Variants in CDH13 observed in about 807,000 individuals in gnomAD.
CDH13 encodes the protein cadherin-13.
In CDH13, 24 loss-of-function variants were observed where a neutral mutation model predicts 63.8. That is an observed-to-expected ratio of 0.38 (90% CI 0.27 to 0.53). The LOEUF (loss-of-function observed/expected upper bound fraction) is 0.53, where lower values mean the gene tolerates loss of function less well. CDH13 is among the 20% of genes least tolerant of loss of function. The pLI, the probability that CDH13 is intolerant of heterozygous loss-of-function variation, is 0.85. For synonymous variants in CDH13, 503 were observed against 355.3 expected, an observed-to-expected ratio of 1.42 and a Z score of -4.67; for missense variants, 1,049 against 903.1, an observed-to-expected ratio of 1.16 and a Z score of -2.07.
chr16:82,828,218 C>T (rs1597724316), intron 1 of CDH13, among the ~76,000 whole-genome samples: 1 of 152,172 alleles, frequency 6.6e-6, no homozygotes. Flanking sequence ...AAAGCTTGGG[C>T]CGCAGCATTG....
At chr16:83,364,878 G>T (rs901790949) in intron 6 of CDH13, among the ~76,000 whole-genome samples, 1 of 152,240 alleles carries the variant, frequency 6.6e-6, no homozygotes. Flanking sequence ...ATGGACACAG[G>T]GAGGGGAACA....
intron 4 of CDH13, among the ~76,000 whole-genome samples, chr16:83,158,712 A>C (rs889595262): frequency 2.6e-5 from 4 of 152,248 alleles, no homozygotes; most frequent in Admixed American, 2.0e-4. Flanking sequence ...CAGCTGCTCC[A>C]TGGCCAGGAA....
intron 11 of CDH13, among the ~76,000 whole-genome samples, 171 bp from the exon 12 acceptor site, chr16:83,779,797 G>T (rs1020841314): frequency 2.2e-4 from 33 of 152,206 alleles, no homozygotes; most frequent in African/African-American, 7.7e-4. Flanking sequence ...GGTTGTGGCT[G>T]CAGTGAGCCA....
At chr16:83,337,251 AAG>A (rs1412852292) in intron 5 of CDH13, among the ~76,000 whole-genome samples, 6 of 152,282 alleles carry the variant, frequency 3.9e-5, no homozygotes, top group African/African-American at 1.2e-4. Flanking sequence ...ACAGTATGGA[AAG>A]AGAGTAGAGG....
At chr16:83,399,905 C>A (rs1453867773) in intron 6 of CDH13, among the ~76,000 whole-genome samples, 1 of 152,116 alleles carries the variant, frequency 6.6e-6, no homozygotes, top group African/African-American at 2.4e-5. Flanking sequence ...CTAATATGCT[C>A]TCAAGTTTAA....
At chr16:83,225,675 C>T (rs1250111848) in intron 5 of CDH13, among the ~76,000 whole-genome samples, 2 of 152,172 alleles carry the variant, frequency 1.3e-5, no homozygotes, top group Non-Finnish European at 2.9e-5. Context: ...TTAGAATCAT[C>T]TGGGGAGCTT....
At chr16:82,985,858 A>G (rs1910870776) in intron 2 of CDH13, among the ~76,000 whole-genome samples, 1 of 152,030 alleles carries the variant, frequency 6.6e-6, no homozygotes, top group Non-Finnish European at 1.5e-5. Flanking sequence ...TGGTCGTTTA[A>G]AAGCACATAG....
At chr16:83,440,352 T>G (rs2072444949) in intron 6 of CDH13, among the ~76,000 whole-genome samples, 1 of 152,098 alleles carries the variant, frequency 6.6e-6, no homozygotes, top group East Asian at 1.9e-4. Flanking sequence ...ATTTAGTTAG[T>G]GCAGAGTGGA....
At chr16:83,135,547 T>C (rs1174000628) in intron 4 of CDH13, among the ~76,000 whole-genome samples, 2 of 152,174 alleles carry the variant, frequency 1.3e-5, no homozygotes, top group East Asian at 1.9e-4. Flanking sequence ...CCTGCAATTG[T>C]ACCAGGGCTC....
intron 2 of CDH13, among the ~76,000 whole-genome samples, chr16:82,926,284 CAA>C (rs528860186): frequency 2.5e-5 from 3 of 118,398 alleles, no homozygotes. Flanking sequence ...ACGTTATTTC[CAA>C]AAAAAAAAAA....
chr16:82,673,988 C>T (rs1428316116), intron 1 of CDH13, among the ~76,000 whole-genome samples: 1 of 152,180 alleles, frequency 6.6e-6, no homozygotes, highest in East Asian at 1.9e-4. Context: ...GTTCTTTCTC[C>T]TCCAGACTTT....
intron 2 of CDH13, among the ~76,000 whole-genome samples, chr16:82,959,424 TG>T (rs1235994920): frequency 6.6e-6 from 1 of 152,190 alleles, no homozygotes; most frequent in African/African-American, 2.4e-5. Context: ...AAGCAACCCA[TG>T]GATGTCTGAA....
chr16:82,958,297 T>C (rs1292976850), intron 2 of CDH13, among the ~76,000 whole-genome samples: 4 of 152,170 alleles, frequency 2.6e-5, no homozygotes, highest in Non-Finnish European at 4.4e-5. Context: ...GTGTCTGATA[T>C]ATCGTTCATG....
At chr16:82,815,971 G>C (rs1017422398) in intron 1 of CDH13, among the ~76,000 whole-genome samples, 2 of 152,118 alleles carry the variant, frequency 1.3e-5, no homozygotes, top group African/African-American at 2.4e-5. Context: ...TTTTATTTCA[G>C]AATAAAAAGA....
At chr16:83,346,113 C>A (rs1240401583) in intron 6 of CDH13, among the ~76,000 whole-genome samples, 1 of 152,202 alleles carries the variant, frequency 6.6e-6, no homozygotes, top group African/African-American at 2.4e-5. Context: ...CGACCCTCTT[C>A]CTTCCCAGCT....
At chr16:83,445,863 G>A (rs1287414078) in intron 6 of CDH13, among the ~76,000 whole-genome samples, 1 of 152,168 alleles carries the variant, frequency 6.6e-6, no homozygotes, top group Non-Finnish European at 1.5e-5. Flanking sequence ...ACTGAAGTAG[G>A]AGGAAGATGA....
chr16:83,715,494 TCTC>T (rs1430866403), intron 10 of CDH13, among the ~76,000 whole-genome samples: 1 of 152,188 alleles, frequency 6.6e-6, no homozygotes, highest in African/African-American at 2.4e-5. Flanking sequence ...TCTTGGTAAG[TCTC>T]CTTCCTGGCA....
intron 2 of CDH13, among the ~76,000 whole-genome samples, chr16:82,942,224 A>T (rs1293319031): frequency 6.6e-6 from 1 of 152,158 alleles, no homozygotes; most frequent in African/African-American, 2.4e-5. Flanking sequence ...TGTGAGGTAG[A>T]GGTCAAGATG....
chr16:83,335,928 C>A (rs1008413892), intron 5 of CDH13, among the ~76,000 whole-genome samples: 1 of 152,026 alleles, frequency 6.6e-6, no homozygotes, highest in African/African-American at 2.4e-5. Context: ...CTGAATAAAC[C>A]CCTTCCTTCT....
Sources: allele counts gnomAD v4.1 joint callset (sites outside exome capture counted in the v4.1 genomes callset), GRCh38; gene constraint gnomAD v4.1.1; transcripts MANE v1.5; gene names NCBI Gene and HGNC (gene_info 2026-07-23, HGNC 2026-07-21).